The following TCF7L1 variants were observed in gnomAD, a reference collection of about 807,000 sequenced individuals.
TCF7L1 encodes transcription factor 7 like 1.
A neutral mutation model predicts 63.7 loss-of-function variants in TCF7L1; 18 were observed. The observed-to-expected ratio is 0.28, with a 90% CI of 0.20 to 0.42. The LOEUF (loss-of-function observed/expected upper bound fraction) is 0.42, where lower values mean the gene tolerates loss of function less well. TCF7L1 is among the 10% of genes least tolerant of loss of function. TCF7L1 has a pLI of 1.00. For synonymous variants in TCF7L1, 355 were observed against 340.9 expected (o/e 1.04, Z -0.46); for missense variants, 654 against 779.3 (o/e 0.84, Z 1.91).
chr2:85,149,316 C>T (rs1261634913), intron 3 of TCF7L1, among the ~76,000 whole-genome samples: 2 of 90,848 alleles, frequency 2.2e-5, no homozygotes, highest in African/African-American at 8.4e-5. Context: ...TATGTATATA[C>T]ACATATACAC....
rs145461719 is a variant in TCF7L1, at chr2:85,237,188, A to G, written c.442-46307A>G. Among the ~76,000 whole-genome samples, 40 of 152,264 alleles carry G rather than the reference A, an allele frequency of 2.6e-4. No individual in the cohort carries two copies. The East Asian group carries it at 6.0e-3, about 23-fold the overall frequency. On this transcript the variant is annotated intron_variant, in intron 3 of 11. Transcript: ENST00000282111. The stretch of plus-strand genomic sequence containing the variant: ...AAGCCTTTTGTTATAGTTCTAAGGT[A>G]TTTGTTAGAACTCCTGGACAGTTTG...
At position 85,231,682 on chromosome 2, in the gene TCF7L1, C is replaced by A. The variant is rs187236900; in HGVS notation, c.442-51813C>A. 2.0e-5 allele frequency among the ~76,000 whole-genome samples: 3 copies of A among 152,268 alleles called. No individual in the cohort carries two copies. The East Asian group carries it at 5.8e-4, about 29-fold the overall frequency. On this transcript the variant is annotated intron_variant, in intron 3 of 11. Transcript: ENST00000282111. The stretch of plus-strand genomic sequence containing the variant: ...TTTTCCGGCACCCATGTTGTAAAAT[C>A]GACTCCCCCAAAAGTTATTGTCCAC...
chr2:85,137,374 T>C (rs1677618932), intron 3 of TCF7L1, among the ~76,000 whole-genome samples: 1 of 152,196 alleles, frequency 6.6e-6, no homozygotes, highest in Admixed American at 6.5e-5. Context: ...GAAGTGGCTT[T>C]TTCCTGAGGC....
chr2:85,173,669 C>T (rs1246591881), intron 3 of TCF7L1, among the ~76,000 whole-genome samples: 6 of 152,162 alleles, frequency 3.9e-5, no homozygotes, highest in Non-Finnish European at 8.8e-5. Flanking sequence ...ACTATAGGCA[C>T]ATACTACGGT....
intron 3 of TCF7L1, among the ~76,000 whole-genome samples, chr2:85,283,272 C>CCCCA (rs1553406739): frequency 1.7e-5 from 1 of 58,196 alleles, no homozygotes; most frequent in Admixed American, 1.7e-4. Context: ...GTGTCCCCCC[C>CCCCA]CCCAAAATGA....
intron 3 of TCF7L1, among the ~76,000 whole-genome samples, chr2:85,244,548 A>C (rs1039858570): frequency 6.6e-6 from 1 of 152,180 alleles, no homozygotes; most frequent in Admixed American, 6.5e-5. Flanking sequence ...GGGCAGTGGG[A>C]AAGAAGAAAG....
At chr2:85,176,094 T>C (rs1678672370) in intron 3 of TCF7L1, among the ~76,000 whole-genome samples, 1 of 152,230 alleles carries the variant, frequency 6.6e-6, no homozygotes, top group Admixed American at 6.5e-5. Context: ...TTCTGTCTCA[T>C]GGCAAGGGTG....
intron 3 of TCF7L1, among the ~76,000 whole-genome samples, chr2:85,229,745 C>T (rs1304463681): frequency 6.6e-6 from 1 of 152,192 alleles, no homozygotes; most frequent in African/African-American, 2.4e-5. Flanking sequence ...CAGTGGCTCA[C>T]ACCTGTGATC....
At chr2:85,233,688 A>G (rs1157549832) in intron 3 of TCF7L1, 3 of 152,218 alleles carry the variant, frequency 2.0e-5, no homozygotes, top group African/African-American at 7.2e-5. Context: ...ATCATGATAT[A>G]GAACAATTCC....
intron 4 of TCF7L1, among the ~76,000 whole-genome samples, 188 bp from the exon 5 acceptor site, chr2:85,302,296 G>A (rs1243307574): frequency 6.6e-6 from 1 of 152,192 alleles, no homozygotes; most frequent in East Asian, 1.9e-4. Flanking sequence ...GATGGAGGGT[G>A]GGTGTGATCC....
intron 7 of TCF7L1, 106 bp from the exon 8 acceptor site, chr2:85,305,154 C>T (rs1284062320): frequency 2.2e-5 from 33 of 1,478,892 alleles, no homozygotes; most frequent in African/African-American, 9.7e-5. Flanking sequence ...CTCTGCCCCA[C>T]GGACATGCCT....
chr2:85,152,153 T>TG (rs1471387468), intron 3 of TCF7L1, among the ~76,000 whole-genome samples: 7 of 152,240 alleles, frequency 4.6e-5, no homozygotes, highest in Non-Finnish European at 1.0e-4. Context: ...CTCTGCTTAC[T>TG]GGTCTGGCAG....
At chr2:85,198,697 C>T (rs1016215182) in intron 3 of TCF7L1, among the ~76,000 whole-genome samples, 2 of 151,968 alleles carry the variant, frequency 1.3e-5, no homozygotes, top group East Asian at 1.9e-4. Context: ...AGTGAGATCC[C>T]GTCTCTACAA....
rs1677535224 is a variant in TCF7L1, at chr2:85,134,256, A to G, written c.314-67A>G. 6.7e-7 allele frequency: 1 copy of G among 1,491,294 alleles called. No individual in the cohort carries two copies. The highest frequency in any genetic ancestry group is 1.4e-5 in the African/African-American group (1 of 70,444). 92.4% of individuals were successfully genotyped at this position (1,491,294 alleles called of 1,614,324 possible). A position where few individuals can be genotyped will look rare whatever the true frequency, so the allele number is the denominator to read the frequency against. On this transcript the variant is annotated intron_variant, in intron 2 of 11. Coordinates refer to ENST00000282111, the MANE Select transcript of TCF7L1 (RefSeq NM_031283.3). The surrounding 1 kb of genome is among the most constrained non-coding windows in gnomAD (Gnocchi z 5.0). ...GCTGGGGTCCCCAGCTCCCGCCTCG[A>G]GCCCCCTGCCGCGGCGCTGTCAGTC...
At chr2:85,186,957 T>C (rs1213174908) in intron 3 of TCF7L1, among the ~76,000 whole-genome samples, 1 of 152,214 alleles carries the variant, frequency 6.6e-6, no homozygotes, top group African/African-American at 2.4e-5. Flanking sequence ...TGTGAGTTGG[T>C]GGATACCATG....
intron 3 of TCF7L1, among the ~76,000 whole-genome samples, chr2:85,201,097 G>T (rs868366145): frequency 1.3e-5 from 2 of 152,178 alleles, no homozygotes; most frequent in African/African-American, 4.8e-5. Context: ...AGCTACTCAG[G>T]AGGCCGAGGC....
chr2:85,297,726 A>G (rs74619566), intron 4 of TCF7L1, among the ~76,000 whole-genome samples: 10,496 of 152,010 alleles, frequency 0.069, 470 homozygotes, highest in African/African-American at 0.12. Context: ...CAGAAGCTGC[A>G]GTGAGCTGAG....
At chr2:85,187,308 ACTGT>A (rs1419553281) in intron 3 of TCF7L1, 1 of 152,200 alleles carries the variant, frequency 6.6e-6, no homozygotes, top group African/African-American at 2.4e-5. Flanking sequence ...CAAAGGTATG[ACTGT>A]CTAATAGCGG....
chr2:85,276,909 A>G (rs1363378916), intron 3 of TCF7L1, among the ~76,000 whole-genome samples: 1 of 152,208 alleles, frequency 6.6e-6, no homozygotes, highest in East Asian at 1.9e-4. Context: ...TGGAGGCTTC[A>G]TGCCAGGGAG....
Sources: allele counts gnomAD v4.1 joint callset (sites outside exome capture counted in the v4.1 genomes callset), GRCh38; gene constraint gnomAD v4.1.1; non-coding constraint Gnocchi (gnomAD v3.1); transcripts MANE v1.5; gene names NCBI Gene and HGNC (gene_info 2026-07-23, HGNC 2026-07-21).